Variants in ADAMTSL3 observed in about 807,000 individuals in gnomAD.
ADAMTSL3 encodes ADAMTS-like protein 3.
A neutral mutation model predicts 201.7 loss-of-function variants in ADAMTSL3; 128 were observed. The ratio of observed to expected loss-of-function variants is 0.63; its 90% CI spans 0.55 to 0.73. The LOEUF is 0.73. ADAMTSL3 is among the 30% of genes least tolerant of loss of function. The pLI is 0.00. For missense variants in ADAMTSL3, 1,990 were observed against 2,119.6 expected (o/e 0.94, Z 1.20); for synonymous variants, 738 against 748.4 (o/e 0.99, Z 0.23).
chr15:83,903,917 C>CAAAAAAAAA (rs1168502648), intron 15 of ADAMTSL3, among the ~76,000 whole-genome samples: 13 of 19,274 alleles, frequency 6.7e-4, no homozygotes, highest in Non-Finnish European at 8.7e-4. Flanking sequence ...GACTCCACAT[C>CAAAAAAAAA]AAAAAAAAAA....
intron 6 of ADAMTSL3, among the ~76,000 whole-genome samples, chr15:83,823,022 G>T (rs1443550297): frequency 6.6e-6 from 1 of 151,860 alleles, no homozygotes; most frequent in Non-Finnish European, 1.5e-5. Context: ...GCGAAACCCC[G>T]TCTCCACCAA....
In ADAMTSL3 at chr15:83,801,655, T is replaced by A. The variant is rs1300387113; in HGVS notation, c.318-2995T>A. On this transcript the variant is annotated intron_variant, in intron 4 of 29. Transcript: ENST00000286744. ...ATATATAAATATATAAATATAAATA[T>A]ATATATATATATATATATATATATA... is the stretch of plus-strand genomic sequence containing the variant. Among the ~76,000 whole-genome samples, 161 of 37,062 alleles carry A rather than the reference T, an allele frequency of 4.3e-3. 4 individuals are homozygous for A. The highest frequency in any genetic ancestry group is 0.012 in the African/African-American group (147 of 12,624). 24.3% of individuals were successfully genotyped at this position (37,062 alleles called of 152,430 possible).
chr15:84,004,127 TC>T (rs1323404883), intron 23 of ADAMTSL3, among the ~76,000 whole-genome samples: 1 of 152,230 alleles, frequency 6.6e-6, no homozygotes, highest in Admixed American at 6.5e-5. Context: ...CTGTTTTTTT[TC>T]TTTTCATTCA....
At position 83,827,693 on chromosome 15, in the gene ADAMTSL3, G is replaced by A. The variant is rs77668780; in HGVS notation, c.600+7646G>A. Among the ~76,000 whole-genome samples the A allele has an allele frequency of 3.9e-3, 594 of 152,254 alleles. 16 individuals are homozygous for A. The East Asian group carries it at 0.061, about 16-fold the overall frequency. On this transcript the variant is annotated intron_variant, in intron 6 of 29. Coordinates refer to ENST00000286744, the MANE Select transcript of ADAMTSL3 (RefSeq NM_207517.3). ...CATCTTGAATTAATTTTTGTATAAG[G>A]TGCAAGGAAGGGATCCAGTTTCAGC...
chr15:83,872,623 C>CAG (rs1458966527), intron 9 of ADAMTSL3, among the ~76,000 whole-genome samples: 28 of 100,570 alleles, frequency 2.8e-4, no homozygotes, highest in African/African-American at 9.3e-4. Flanking sequence ...CACACACACA[C>CAG]ACACAGAGTT....
chr15:83,918,620 T>C (rs752515416), intron 16 of ADAMTSL3, among the ~76,000 whole-genome samples: 1 of 151,964 alleles, frequency 6.6e-6, no homozygotes, highest in Non-Finnish European at 1.5e-5. Flanking sequence ...CCAGGCACAG[T>C]TGGAGTACTG....
chr15:83,964,674 A>G (rs539836756), intron 19 of ADAMTSL3, among the ~76,000 whole-genome samples: 2 of 152,274 alleles, frequency 1.3e-5, no homozygotes, highest in Admixed American at 1.3e-4. Context: ...TACAGAGAAT[A>G]CCACAAAGAT....
chr15:83,703,604 C>T (rs1198381187), intron 2 of ADAMTSL3, among the ~76,000 whole-genome samples: 1 of 152,158 alleles, frequency 6.6e-6, no homozygotes, highest in Non-Finnish European at 1.5e-5. Context: ...CTCACTTTCT[C>T]TTGTGGCCGT....
chr15:83,702,181 C>G (rs1291886012), intron 2 of ADAMTSL3, among the ~76,000 whole-genome samples: 1 of 152,044 alleles, frequency 6.6e-6, no homozygotes, highest in East Asian at 1.9e-4. Context: ...TTTAGGGTAC[C>G]CGGTGGAAGA....
At chr15:83,973,134 A>G (rs2067225937) in intron 20 of ADAMTSL3, among the ~76,000 whole-genome samples, 2 of 152,134 alleles carry the variant, frequency 1.3e-5, no homozygotes, top group Non-Finnish European at 2.9e-5. Flanking sequence ...AACACCTGAT[A>G]TCCCAATTTC....
At chr15:84,014,356 T>G (rs2068052796) in intron 23 of ADAMTSL3, among the ~76,000 whole-genome samples, 186 bp from the exon 24 acceptor site, 1 of 152,214 alleles carries the variant, frequency 6.6e-6, no homozygotes, top group Non-Finnish European at 1.5e-5. Flanking sequence ...CAAAGCCCTT[T>G]GCTTTAAGAG....
intron 7 of ADAMTSL3, among the ~76,000 whole-genome samples, chr15:83,852,132 A>G (rs546333408): frequency 2.6e-5 from 4 of 151,530 alleles, no homozygotes; most frequent in Admixed American, 2.6e-4. Context: ...TTTGTTTTTG[A>G]GATGGAGTCT....
chr15:83,880,802 T>A (rs983759143), intron 9 of ADAMTSL3, among the ~76,000 whole-genome samples: 2 of 152,198 alleles, frequency 1.3e-5, no homozygotes, highest in East Asian at 3.8e-4. Context: ...GAAACAAGAC[T>A]GAAGCCAAGG....
intron 4 of ADAMTSL3, among the ~76,000 whole-genome samples, chr15:83,795,112 C>T (rs2063403360): frequency 6.6e-6 from 1 of 152,074 alleles, no homozygotes; most frequent in Non-Finnish European, 1.5e-5. Flanking sequence ...CCTTGTCCTC[C>T]CAAAGTGCTG....
chr15:84,022,841 C>G (rs1264067341), intron 26 of ADAMTSL3, among the ~76,000 whole-genome samples: 1 of 152,136 alleles, frequency 6.6e-6, no homozygotes, highest in Non-Finnish European at 1.5e-5. Context: ...CTTAGATATA[C>G]TATTCTGTTT....
chr15:83,847,758 G>A (rs1297796785), intron 7 of ADAMTSL3, among the ~76,000 whole-genome samples: 1 of 151,932 alleles, frequency 6.6e-6, no homozygotes, highest in Non-Finnish European at 1.5e-5. Context: ...GCCTCCCAAA[G>A]TGCTGGGATT....
chr15:83,957,213 T>A (rs957337717), intron 19 of ADAMTSL3, among the ~76,000 whole-genome samples: 1 of 152,090 alleles, frequency 6.6e-6, no homozygotes, highest in African/African-American at 2.4e-5. Context: ...GGCACAGATT[T>A]GGGAGAGTTT....
At chr15:83,934,187 ACCCTGCAAAGCCACAAGGGCGGAG>A (rs1222199291) in intron 17 of ADAMTSL3, among the ~76,000 whole-genome samples, 2 of 152,194 alleles carry the variant, frequency 1.3e-5, no homozygotes, top group Non-Finnish European at 2.9e-5. Context: ...GGGGGGCTGT[ACCCTGCAAAGCCACAAGGGCGGAG>A]CTTTCCAAGA....
Position 84,014,567 on chromosome 15 carries a change from G to C in ADAMTSL3, c.3999G>C (p.Trp1333Cys). ...GTGTCCCTCAGCCTAATATAACTTG[G>C]TTGAAGAGAGGAGGATCTCTGAGTG... ...VKGVPQPNIT[W>C]LKRGGSLSGN... Residue 1333 changes from tryptophan to cysteine, a missense_variant, in exon 24 of 30, where the codon TGG (tryptophan) becomes TGC (cysteine). Physicochemically the swap from Trp to Cys is radical, Grantham distance 215. Coordinates refer to ENST00000286744, the MANE Select transcript of ADAMTSL3 (RefSeq NM_207517.3). 2 of 1,614,056 alleles carry C rather than the reference G, an allele frequency of 1.2e-6. No homozygotes were observed. Among genetic ancestry groups the C allele is most frequent in the Non-Finnish European group, 8.5e-7 (1 of 1,179,982 alleles).
Sources: allele counts gnomAD v4.1 joint callset (sites outside exome capture counted in the v4.1 genomes callset), GRCh38; gene constraint gnomAD v4.1.1; transcripts MANE v1.5; gene names NCBI Gene and HGNC (gene_info 2026-07-23, HGNC 2026-07-21).